The following SLC24A4 variants were observed in gnomAD, a reference collection of about 807,000 sequenced individuals.
The protein encoded by SLC24A4 is solute carrier family 24 member 4, also known as sodium/potassium/calcium exchanger 4.
In SLC24A4, 53 loss-of-function variants were observed where a neutral mutation model predicts 79.0. The observed-to-expected ratio is 0.67, with a 90% confidence interval of 0.54 to 0.84. The LOEUF is 0.84. Ranked by LOEUF, SLC24A4 falls within the 40% of genes least tolerant of loss-of-function variation. The probability of loss-of-function intolerance (pLI) is 0.00; values close to 1 mark genes in which losing one functional copy is unlikely to be tolerated. For synonymous variants in SLC24A4, 323 were observed against 323.8 expected (o/e 1.00, Z 0.03); for missense variants, 731 against 822.0 (o/e 0.89, Z 1.35).
chr14:92,422,223 A>T (rs1216187806), intron 2 of SLC24A4, among the ~76,000 whole-genome samples: 2 of 152,368 alleles, frequency 1.3e-5, no homozygotes, highest in East Asian at 3.9e-4. Flanking sequence ...GGAAGACTAC[A>T]GGAAAGTGTC....
At chr14:92,393,801 A>G (rs999181518) in intron 2 of SLC24A4, among the ~76,000 whole-genome samples, 5 of 152,176 alleles carry the variant, frequency 3.3e-5, no homozygotes, top group Non-Finnish European at 4.4e-5. Flanking sequence ...ACCTGAGGTC[A>G]GGGCTTTGAG....
chr14:92,335,420 T>C (rs1355949892), intron 2 of SLC24A4, among the ~76,000 whole-genome samples: 1 of 152,192 alleles, frequency 6.6e-6, no homozygotes, highest in Non-Finnish European at 1.5e-5. Context: ...AATGGCAGGA[T>C]CTCAGCTCAC....
rs373518398 is a variant in SLC24A4 at position 92,493,638 on chromosome 14, G to A, written c.*10G>A. On this transcript the variant is annotated 3_prime_UTR_variant, in exon 17 of 17. Coordinates refer to ENST00000532405, the MANE Select transcript of SLC24A4 (RefSeq NM_153646.4). ...CCGGGAAGACGATTAGCGCTGAGTC[G>A]CGGCCCCTGGGAGCTGATCTGGACA... 47 of 1,613,526 alleles carry A rather than the reference G, an allele frequency of 2.9e-5. No individual in the cohort carries two copies. In the African/African-American group the frequency reaches 5.5e-4, roughly 19 times the overall value.
chr14:92,474,794 TATATATATACATATATAC>T (rs1387021951), intron 12 of SLC24A4, among the ~76,000 whole-genome samples: 1,688 of 68,480 alleles, frequency 0.025, 94 homozygotes, highest in African/African-American at 0.078. Context: ...TGTGTGTGTG[TATATATATACATATATAC>T]ATATATATAC....
At chr14:92,408,868 T>G (rs1247438765) in intron 2 of SLC24A4, among the ~76,000 whole-genome samples, 1 of 152,110 alleles carries the variant, frequency 6.6e-6, no homozygotes, top group African/African-American at 2.4e-5. Flanking sequence ...TCCTCAGTGG[T>G]TGTGGGGAAC....
At chr14:92,423,725 G>A (rs1234192925) in intron 2 of SLC24A4, among the ~76,000 whole-genome samples, 1 of 152,220 alleles carries the variant, frequency 6.6e-6, no homozygotes, top group African/African-American at 2.4e-5. Flanking sequence ...TCAGGCAAGG[G>A]AGCCGGGAGG....
chr14:92,427,656 A>C (rs1192373642), intron 2 of SLC24A4, among the ~76,000 whole-genome samples: 2 of 129,150 alleles, frequency 1.5e-5, no homozygotes, highest in Non-Finnish European at 3.1e-5. Flanking sequence ...TGGGTGTATC[A>C]GTGAGTGTTC....
At chr14:92,436,368 C>T (rs1892167533) in intron 3 of SLC24A4, among the ~76,000 whole-genome samples, 1 of 152,160 alleles carries the variant, frequency 6.6e-6, no homozygotes, top group South Asian at 2.1e-4. Context: ...TGTTTCACAA[C>T]AGCAGAATAG....
chr14:92,429,513 T>C (rs1175088120), intron 2 of SLC24A4, among the ~76,000 whole-genome samples: 1 of 152,244 alleles, frequency 6.6e-6, no homozygotes, highest in Admixed American at 6.5e-5. Flanking sequence ...TCTGGATCCA[T>C]TTAATAATGG....
chr14:92,380,356 G>A (rs1888768464), intron 2 of SLC24A4, among the ~76,000 whole-genome samples: 1 of 152,212 alleles, frequency 6.6e-6, no homozygotes, highest in Admixed American at 6.5e-5. Flanking sequence ...GGTTTGGTCA[G>A]TTAGGAAGGA....
At chr14:92,427,558 C>G (rs1472085160) in intron 2 of SLC24A4, among the ~76,000 whole-genome samples, 1 of 152,152 alleles carries the variant, frequency 6.6e-6, no homozygotes, top group Non-Finnish European at 1.5e-5. Flanking sequence ...GTGCAGTGGT[C>G]CAGCAAGAGA....
chr14:92,398,636 C>G lies in SLC24A4; in HGVS notation c.242-35276C>G, dbSNP rs1012580753. Among the ~76,000 whole-genome samples the G allele has an allele frequency of 6.6e-6, 1 of 152,196 alleles. No individual in the cohort carries two copies. The highest frequency in any genetic ancestry group is 6.5e-5 in the Admixed American group (1 of 15,286). On this transcript the variant is annotated intron_variant, in intron 2 of 16. Transcript: ENST00000532405. This position sits in a 1 kb window ranked among gnomAD's most constrained non-coding sequence, Gnocchi z 4.1. The stretch of plus-strand genomic sequence containing the variant: ...TGGGACAGGCTCCTTCACATCTGTC[C>G]CACCTGGCATGGCTCAGAACATACC...
chr14:92,342,564 G>A (rs186743815), intron 2 of SLC24A4, among the ~76,000 whole-genome samples: 1 of 151,924 alleles, frequency 6.6e-6, no homozygotes, highest in Non-Finnish European at 1.5e-5. Context: ...TGTATTTTTA[G>A]TAGAGATGGA....
At chr14:92,460,696 G>C (rs529277714) in intron 12 of SLC24A4, among the ~76,000 whole-genome samples, 1 of 152,284 alleles carries the variant, frequency 6.6e-6, no homozygotes, top group South Asian at 2.1e-4. Flanking sequence ...GGGAGCTTCT[G>C]GGCTTGCAGA....
At chr14:92,445,921 G>A (rs141314771) in intron 8 of SLC24A4, among the ~76,000 whole-genome samples, 62 of 152,276 alleles carry the variant, frequency 4.1e-4, no homozygotes, top group African/African-American at 1.5e-3. Context: ...ACATAGCCAG[G>A]CATGGTGGCT....
intron 2 of SLC24A4, among the ~76,000 whole-genome samples, chr14:92,373,209 C>T (rs4904884): frequency 3.6e-3 from 87 of 24,300 alleles, no homozygotes; most frequent in South Asian, 9.8e-3. Flanking sequence ...CACACACACA[C>T]ACATATATAT....
At chr14:92,455,366 C>T (rs1425534033) in intron 11 of SLC24A4, among the ~76,000 whole-genome samples, 1 of 152,136 alleles carries the variant, frequency 6.6e-6, no homozygotes, top group Non-Finnish European at 1.5e-5. Flanking sequence ...TCTGAATGCC[C>T]ATCAATAGGC....
intron 15 of SLC24A4, 55 bp from the exon 16 acceptor site, chr14:92,492,116 CTGGA>C: frequency 6.6e-7 from 1 of 1,518,760 alleles, no homozygotes; most frequent in East Asian, 2.3e-5. Flanking sequence ...GCTGGGATTT[CTGGA>C]TGGATTGGCT....
chr14:92,448,854 C>T (rs1595299133), intron 9 of SLC24A4, among the ~76,000 whole-genome samples: 1 of 152,192 alleles, frequency 6.6e-6, no homozygotes, highest in Non-Finnish European at 1.5e-5. Context: ...AGTCCACCAC[C>T]AGCTCAATAG....
Sources: gnomAD v4.1 joint callset for allele counts (sites outside exome capture counted in the v4.1 genomes callset) on GRCh38, gnomAD v4.1.1 for gene constraint, Gnocchi (gnomAD v3.1) non-coding constraint, MANE v1.5 for transcripts, NCBI Gene and HGNC (gene_info 2026-07-23, HGNC 2026-07-21) for gene names.